ASTN1: variants seen among roughly 807,000 people sequenced by gnomAD.
ASTN1 encodes astrotactin-1.
In ASTN1, 41 loss-of-function variants were observed where a neutral mutation model predicts 140.7. The observed-to-expected ratio is 0.29, with a 90% CI of 0.23 to 0.38. The LOEUF (loss-of-function observed/expected upper bound fraction) is 0.38, where lower values mean the gene tolerates loss of function less well. Among genes scored for constraint, ASTN1 ranks in the 10% least tolerant of loss-of-function variants. The pLI, the probability that ASTN1 is intolerant of heterozygous loss-of-function variation, is 1.00. For synonymous variants in ASTN1, 640 were observed against 652.2 expected (o/e 0.98, Z 0.29); for missense variants, 1,479 against 1,678.8 (o/e 0.88, Z 2.08).
chr1:177,087,566 C>T (rs963676480), intron 1 of ASTN1, among the ~76,000 whole-genome samples: 1 of 152,182 alleles, frequency 6.6e-6, no homozygotes, highest in Non-Finnish European at 1.5e-5. Flanking sequence ...CTAATCCCCA[C>T]CTCCACCCTC....
intron 2 of ASTN1, among the ~76,000 whole-genome samples, chr1:177,058,131 C>T (rs568519719): frequency 5.9e-5 from 9 of 152,128 alleles, no homozygotes; most frequent in East Asian, 1.9e-4. Flanking sequence ...GACAATGAGA[C>T]GGCTAGGTGG....
intron 17 of ASTN1, among the ~76,000 whole-genome samples, chr1:176,891,838 AAAC>A (rs1669281917): frequency 1.3e-5 from 2 of 152,162 alleles, no homozygotes; most frequent in South Asian, 2.1e-4. Flanking sequence ...AAAAACATAC[AAAC>A]AACAACAATA....
intron 14 of ASTN1, among the ~76,000 whole-genome samples, chr1:176,939,979 C>T (rs1671647781): frequency 2.0e-5 from 3 of 152,048 alleles, no homozygotes; most frequent in Admixed American, 2.0e-4. Context: ...GTATATTGCC[C>T]CAAAGTTCTG....
intron 16 of ASTN1, among the ~76,000 whole-genome samples, chr1:176,925,997 CG>C (rs1211761615): frequency 6.6e-6 from 1 of 151,826 alleles, no homozygotes; most frequent in Non-Finnish European, 1.5e-5. Flanking sequence ...TTAGTAGAGA[CG>C]GGGTTTCACC....
intron 21 of ASTN1, among the ~76,000 whole-genome samples, chr1:176,871,387 A>G (rs778288648): frequency 3.3e-5 from 5 of 152,164 alleles, no homozygotes; most frequent in Non-Finnish European, 5.9e-5. Context: ...ACTGGTGCCA[A>G]TCTGTGCCTA....
At chr1:177,142,799 A>G (rs1682531176) in intron 1 of ASTN1, among the ~76,000 whole-genome samples, 2 of 151,038 alleles carry the variant, frequency 1.3e-5, no homozygotes, top group South Asian at 4.3e-4. Flanking sequence ...GGACAATGAA[A>G]TTGTGGTGAC....
Position 177,032,798 on chromosome 1 carries a change from A to G in ASTN1, c.523T>C (p.Tyr175His), listed in dbSNP as rs370405445. The change falls in exon 3 of 23, where the codon TAT becomes CAT. Residue 175 changes from tyrosine to histidine, a missense_variant. Around this residue, in one of 3 missense-constraint regions of ASTN1, gnomAD observed 729 missense variants for 860.4 expected, o/e 0.85. Transcript: ENST00000361833. ...CGTTTGCACCAGCGCCGGCGAGTAT[A>G]CAGGATCATCACCAGGCACAAGATG... ...LSILCLVMIL[Y>H]TRRRWCKRRR... 7 of 1,612,360 alleles carry G rather than the reference A, an allele frequency of 4.3e-6. No homozygotes were observed. Among genetic ancestry groups the G allele is most frequent in the Non-Finnish European group, 8.5e-7 (1 of 1,179,852 alleles).
At chr1:177,116,537 G>A (rs1251111743) in intron 1 of ASTN1, among the ~76,000 whole-genome samples, 1 of 151,990 alleles carries the variant, frequency 6.6e-6, no homozygotes, top group Non-Finnish European at 1.5e-5. Flanking sequence ...TTCCCCTGAA[G>A]GTACCTCCTC....
Position 176,942,793 on chromosome 1 carries a change from G to GACCAA in ASTN1, c.2377+1093_2377+1097dup, listed in dbSNP as rs1244203412. Among the ~76,000 whole-genome samples, 6 of 121,128 alleles carry GACCAA rather than the reference G, an allele frequency of 5.0e-5. No homozygotes were observed. In the East Asian group the frequency reaches 1.6e-3, roughly 33 times the overall value. The allele number at this position is 121,128 out of a possible 152,430, so 79.5% of individuals were successfully genotyped here. On this transcript the variant is annotated intron_variant, in intron 14 of 22. Coordinates refer to ENST00000361833, the MANE Select transcript of ASTN1 (RefSeq NM_004319.3). ...GCTTCCAGTTGTCCCACCTTTCCCAGACCAAACCAATGTACTTTGTGTGTG... is the reference window on the plus strand; with the variant it reads ...GCTTCCAGTTGTCCCACCTTTCCCAGACCAAACCAAACCAATGTACTTTGTGTGTG...
chr1:177,094,160 A>G (rs991913564), intron 1 of ASTN1, among the ~76,000 whole-genome samples: 2 of 152,212 alleles, frequency 1.3e-5, no homozygotes, highest in Non-Finnish European at 2.9e-5. Flanking sequence ...AATATTTTCA[A>G]ATGAGATAGA....
chr1:177,121,456 C>A (rs751259352), intron 1 of ASTN1, among the ~76,000 whole-genome samples: 1 of 151,956 alleles, frequency 6.6e-6, no homozygotes, highest in Non-Finnish European at 1.5e-5. Flanking sequence ...TCCTTGAGGG[C>A]TATATGATGG....
At chr1:176,898,961 G>C (rs1000364322) in intron 16 of ASTN1, among the ~76,000 whole-genome samples, 1 of 152,158 alleles carries the variant, frequency 6.6e-6, no homozygotes, top group African/African-American at 2.4e-5. Context: ...TGACAAAGGT[G>C]CCTTTTGATA....
chr1:176,896,430 G>C (rs1205296538), intron 16 of ASTN1, among the ~76,000 whole-genome samples: 1 of 152,074 alleles, frequency 6.6e-6, no homozygotes, highest in Non-Finnish European at 1.5e-5. Context: ...TGACAGGGAG[G>C]CTTACGCAAC....
intron 8 of ASTN1, among the ~76,000 whole-genome samples, chr1:176,978,213 G>T (rs1166290896): frequency 6.6e-6 from 1 of 152,174 alleles, no homozygotes; most frequent in African/African-American, 2.4e-5. Context: ...GGGATACACA[G>T]GGATGGAAAA....
At chr1:176,875,444 G>A (rs551113075) in intron 21 of ASTN1, among the ~76,000 whole-genome samples, 2 of 152,310 alleles carry the variant, frequency 1.3e-5, no homozygotes, top group African/African-American at 4.8e-5. Context: ...AGGTGTCTGT[G>A]TTGGAAATAA....
chr1:176,934,115 A>G (rs1557970881), intron 16 of ASTN1, 37 bp downstream of exon 16: 1 of 1,574,242 alleles, frequency 6.4e-7, no homozygotes, highest in African/African-American at 1.3e-5. Context: ...CAGTACTGGC[A>G]TGAGGTATGG....
In ASTN1 at chr1:177,117,659, T is replaced by C. The variant is rs1033376173; in HGVS notation, c.283+46735A>G. ...AAATTGGTTAGCATGGCATTCAATA[T>C]GTCCCAAAATTAAATGCCCAATTTC... On this transcript the variant is annotated intron_variant, in intron 1 of 22. Coordinates refer to ENST00000361833, the MANE Select transcript of ASTN1 (RefSeq NM_004319.3). Among the ~76,000 whole-genome samples, 5 of 152,316 alleles carry C rather than the reference T, an allele frequency of 3.3e-5. No homozygotes were observed. The South Asian group carries it at 1.0e-3, about 32-fold the overall frequency.
chr1:177,020,314 GC>G (rs1675760624), intron 7 of ASTN1, among the ~76,000 whole-genome samples: 1 of 152,156 alleles, frequency 6.6e-6, no homozygotes, highest in Admixed American at 6.5e-5. Flanking sequence ...GTTTCACTGG[GC>G]TAAAATCAAG....
chr1:176,866,570 A>C lies in ASTN1; in HGVS notation c.3648-2049T>G, dbSNP rs188781092. Among the ~76,000 whole-genome samples, 377 of 152,306 alleles carry C rather than the reference A, an allele frequency of 2.5e-3. 1 individual carries two copies. Among genetic ancestry groups the C allele is most frequent in the South Asian group, 1.0e-2 (48 of 4,822 alleles). On this transcript the variant is annotated intron_variant, in intron 22 of 22. Coordinates refer to ENST00000361833, the MANE Select transcript of ASTN1 (RefSeq NM_004319.3). ...ACATCAGCATCATCTTCAAGAAATGAACAAAGAACTTACATCATCCTTCCA... is the reference window on the plus strand; with the variant it reads ...ACATCAGCATCATCTTCAAGAAATGCACAAAGAACTTACATCATCCTTCCA...
Sources: gnomAD v4.1 joint callset for allele counts (sites outside exome capture counted in the v4.1 genomes callset) on GRCh38, gnomAD v4.1.1 for gene constraint, gnomAD v4.1.1 regional missense constraint, MANE v1.5 for transcripts, NCBI Gene and HGNC (gene_info 2026-07-23, HGNC 2026-07-21) for gene names.